RABGAP1: variants seen among roughly 807,000 people sequenced by gnomAD.
The protein encoded by RABGAP1 is RAB GTPase activating protein 1, also known as rab GTPase-activating protein 1.
In RABGAP1, 23 loss-of-function variants were observed where a neutral mutation model predicts 137.6. The ratio of observed to expected loss-of-function variants is 0.17; its 90% CI spans 0.12 to 0.24. RABGAP1 has a LOEUF of 0.24. Among genes scored for constraint, RABGAP1 ranks in the 10% least tolerant of loss-of-function variants. The pLI, the probability that RABGAP1 is intolerant of heterozygous loss-of-function variation, is 1.00. For missense variants in RABGAP1, 906 were observed against 1,275.8 expected (o/e 0.71, Z 4.42); for synonymous variants, 451 against 450.7 (o/e 1.00, Z -0.01).
Position 122,984,714 on chromosome 9 carries a change from A to G in RABGAP1, c.380A>G (p.Gln127Arg), listed in dbSNP as rs769035365. The part of the protein sequence containing the change: ...PEMSLPVKPG[Q>R]GDSEASSPFT... Reference sequence around the variant, plus strand: ...ATGAGCCTACCAGTGAAACCTGGACAAGGAGGTTAGGATTGCTGCATTGCT... The same window carrying G: ...ATGAGCCTACCAGTGAAACCTGGACGAGGAGGTTAGGATTGCTGCATTGCT... Residue 127 changes from glutamine to arginine, a missense_variant, in exon 3 of 26, where the codon CAA becomes CGA. This residue lies in a region of RABGAP1 where 331 missense variants were observed against 358.3 expected (regional missense o/e 0.92). Coordinates refer to ENST00000373647, the MANE Select transcript of RABGAP1 (RefSeq NM_012197.4). 2.0e-5 allele frequency: 33 copies of G among 1,613,124 alleles called. No individual in the cohort carries two copies. The highest frequency in any genetic ancestry group is 1.3e-5 in the African/African-American group (1 of 74,910).
At chr9:123,086,713 GAGAA>G (rs1201546241) in intron 19 of RABGAP1, among the ~76,000 whole-genome samples, 2 of 139,604 alleles carry the variant, frequency 1.4e-5, no homozygotes, top group African/African-American at 5.2e-5. Context: ...GGGTGGGAGG[GAGAA>G]AGAGAGAGAC....
intron 13 of RABGAP1, chr9:123,033,447 T>C (rs1454216822): frequency 1.3e-5 from 2 of 152,122 alleles, no homozygotes; most frequent in African/African-American, 4.8e-5. Context: ...ACTGCAGGCA[T>C]AGCAAGCCAT....
At chr9:122,957,862 C>T (rs992621764) in intron 2 of RABGAP1, among the ~76,000 whole-genome samples, 2 of 151,568 alleles carry the variant, frequency 1.3e-5, no homozygotes, top group Admixed American at 1.3e-4. Flanking sequence ...GCAAAACTCC[C>T]TGCCCTTCTA....
At chr9:123,044,625 A>ATGTG (rs1564156412) in intron 13 of RABGAP1, among the ~76,000 whole-genome samples, 9 of 79,452 alleles carry the variant, frequency 1.1e-4, no homozygotes, top group African/African-American at 3.3e-4. Context: ...AAACACACGT[A>ATGTG]CGTGTGTGTG....
At chr9:122,994,263 C>T (rs1429634686) in intron 6 of RABGAP1, among the ~76,000 whole-genome samples, 1 of 152,216 alleles carries the variant, frequency 6.6e-6, no homozygotes, top group Non-Finnish European at 1.5e-5. Context: ...CTTCCTGTTA[C>T]TGCATCCCTG....
rs752925671 is a variant in RABGAP1, at chr9:122,998,729, G to A, written c.1337G>A (p.Arg446His). 1 of 1,607,626 alleles carries A rather than the reference G, an allele frequency of 6.2e-7. No individual in the cohort carries two copies. Among genetic ancestry groups the A allele is most frequent in the Admixed American group, 1.7e-5 (1 of 58,860 alleles). ...NERLFWPFSK[R>H]STTENFFLKL... ...AGATTATTCTGGCCCTTCAGCAAAC[G>A]TAGTACTACTGAAAATTTCTTTTTG... The change falls in exon 10 of 26, where the codon CGT (arginine) becomes CAT (histidine). Residue 446 changes from arginine to histidine, a missense_variant. Transcript: ENST00000373647.
chr9:123,067,711 A>G (rs935413947), intron 14 of RABGAP1, among the ~76,000 whole-genome samples: 1 of 152,212 alleles, frequency 6.6e-6, no homozygotes, highest in Admixed American at 6.5e-5. Context: ...TGCTTGGTCT[A>G]TAGTAGGTGT....
intron 13 of RABGAP1, among the ~76,000 whole-genome samples, chr9:123,025,887 A>G (rs2031930870): frequency 6.6e-6 from 1 of 152,116 alleles, no homozygotes; most frequent in African/African-American, 2.4e-5. Flanking sequence ...TTTCGTCTTT[A>G]TATTTTATAG....
At chr9:122,935,182 A>G in the RABGAP1 span, among the ~76,000 whole-genome samples, 12 of 152,210 alleles carry the variant, frequency 7.9e-5, no homozygotes, top group South Asian at 2.1e-4. Flanking sequence ...GGTGGTTACC[A>G]TAGGTATTAC....
At chr9:123,074,058 G>T (rs966969058) in intron 16 of RABGAP1, among the ~76,000 whole-genome samples, 1 of 152,166 alleles carries the variant, frequency 6.6e-6, no homozygotes, top group African/African-American at 2.4e-5. Flanking sequence ...CCAAATACTT[G>T]TCACCATTTT....
intron 13 of RABGAP1, among the ~76,000 whole-genome samples, chr9:123,027,658 G>A (rs575143356): frequency 5.9e-5 from 9 of 152,310 alleles, no homozygotes; most frequent in African/African-American, 2.2e-4. Context: ...TGGCCATGGA[G>A]GAGGAAGCCT....
intron 12 of RABGAP1, among the ~76,000 whole-genome samples, chr9:123,018,087 G>A (rs547946356): frequency 6.6e-6 from 1 of 152,002 alleles, no homozygotes; most frequent in African/African-American, 2.4e-5. Context: ...TCTGCCCCCC[G>A]GGGTTCATGC....
intron 2 of RABGAP1, among the ~76,000 whole-genome samples, chr9:122,978,160 G>A (rs1052016719): frequency 2.0e-5 from 3 of 152,218 alleles, no homozygotes; most frequent in East Asian, 1.9e-4. Flanking sequence ...AAGTCCCCTC[G>A]TGCATCTATT....
intron 2 of RABGAP1, among the ~76,000 whole-genome samples, chr9:122,978,792 A>T (rs565467178): frequency 8.0e-4 from 122 of 152,268 alleles, no homozygotes; most frequent in Non-Finnish European, 1.4e-3. Context: ...TTGCATTCCT[A>T]CCAGCAATGT....
At chr9:123,075,285 T>C (rs574621490) in intron 17 of RABGAP1, among the ~76,000 whole-genome samples, 1 of 152,272 alleles carries the variant, frequency 6.6e-6, no homozygotes, top group Admixed American at 6.5e-5. Context: ...TCCATATGGA[T>C]GGAACACTAT....
chr9:122,998,879 TAA>T (rs1564391145), intron 10 of RABGAP1, 113 bp downstream of exon 10: 12 of 584,516 alleles, frequency 2.1e-5, no homozygotes, highest in East Asian at 3.3e-5. Flanking sequence ...TTAAATATAT[TAA>T]GAGGAAAAAT....
rs1187757924 is a variant in RABGAP1, at chr9:123,019,457, G to C, written c.1644-852G>C. On this transcript the variant is annotated intron_variant, in intron 12 of 25. Coordinates refer to ENST00000373647, the MANE Select transcript of RABGAP1 (RefSeq NM_012197.4). ...CTTGCCTCAGCCTCCCAAGTAGCTA[G>C]GAATATAACCATCATGCCAGCTTAT... Among the ~76,000 whole-genome samples, 7 of 151,320 alleles carry C rather than the reference G, an allele frequency of 4.6e-5. No homozygotes were observed. In the East Asian group the frequency reaches 1.4e-3, roughly 30 times the overall value.
chr9:123,098,281 G>A (rs1687077486), intron 22 of RABGAP1, among the ~76,000 whole-genome samples: 1 of 152,228 alleles, frequency 6.6e-6, no homozygotes, highest in African/African-American at 2.4e-5. Context: ...CTGTGCGCCT[G>A]GGAGCAGTCC....
At chr9:123,071,291 A>G (rs1225523080) in intron 15 of RABGAP1, 1 of 152,110 alleles carries the variant, frequency 6.6e-6, no homozygotes, top group Non-Finnish European at 1.5e-5. Context: ...TATTCTTTTA[A>G]TCTAAATTAC....
Sources: allele counts gnomAD v4.1 joint callset (sites outside exome capture counted in the v4.1 genomes callset), GRCh38; gene constraint gnomAD v4.1.1; regional missense constraint gnomAD v4.1.1; transcripts MANE v1.5; gene names NCBI Gene and HGNC (gene_info 2026-07-23, HGNC 2026-07-21).